Variants in CDK14 observed in about 807,000 individuals in gnomAD.
CDK14 encodes cyclin dependent kinase 14, also known as cyclin-dependent kinase 14.
Under a neutral mutation model 60.7 loss-of-function variants are expected in CDK14, and 34 were observed. That is an observed-to-expected ratio of 0.56 (90% CI 0.43 to 0.75). The LOEUF (loss-of-function observed/expected upper bound fraction) is 0.75. CDK14 is among the 30% of genes least tolerant of loss of function. CDK14 has a pLI of 0.00. For synonymous variants in CDK14, 197 were observed against 203.7 expected (o/e 0.97, Z 0.28); for missense variants, 482 against 564.1 (o/e 0.85, Z 1.47).
rs531134987 is a variant in CDK14 at position 91,072,502 on chromosome 7, G to A, written c.1106-6930G>A. On this transcript the variant is annotated intron_variant, in intron 11 of 14. Transcript: ENST00000380050. ...CAACAGCATCAACAAAAATGTTCCC[G>A]CAAAAACCTCCTCCAAGGGTCAGCA... Among the ~76,000 whole-genome samples, 7 of 152,036 alleles carry A rather than the reference G, an allele frequency of 4.6e-5. No homozygotes were observed. In the South Asian group the frequency reaches 1.2e-3, roughly 27 times the overall value.
chr7:91,098,774 A>G (rs899603184), intron 12 of CDK14, among the ~76,000 whole-genome samples: 1 of 152,172 alleles, frequency 6.6e-6, no homozygotes, highest in Non-Finnish European at 1.5e-5. Flanking sequence ...TAAATTCACC[A>G]TGCCTTCTTT....
intron 14 of CDK14, among the ~76,000 whole-genome samples, chr7:91,118,972 C>T (rs1446980081): frequency 6.6e-6 from 1 of 151,984 alleles, no homozygotes; most frequent in Admixed American, 6.6e-5. Flanking sequence ...TCTGAAAAGG[C>T]CATCTTTCTT....
At chr7:90,702,410 T>C (rs945040510) in intron 2 of CDK14, among the ~76,000 whole-genome samples, 1 of 152,134 alleles carries the variant, frequency 6.6e-6, no homozygotes. Context: ...GATACTGAAC[T>C]GTTAAATGAT....
chr7:91,184,476 T>A (rs983345634), intron 14 of CDK14, among the ~76,000 whole-genome samples: 1 of 152,036 alleles, frequency 6.6e-6, no homozygotes, highest in Non-Finnish European at 1.5e-5. Flanking sequence ...TCCTTTAAAG[T>A]CCAGGAAAAT....
At chr7:90,744,650 C>A (rs994629742) in intron 3 of CDK14, among the ~76,000 whole-genome samples, 7 of 147,586 alleles carry the variant, frequency 4.7e-5, no homozygotes, top group Admixed American at 4.0e-4. Context: ...CTGACCCCCC[C>A]ACCTCCCTCC....
chr7:90,840,955 A>G (rs1790269252), intron 5 of CDK14, among the ~76,000 whole-genome samples: 1 of 152,220 alleles, frequency 6.6e-6, no homozygotes, highest in Non-Finnish European at 1.5e-5. Context: ...AAAATACAAG[A>G]GAGTACACAC....
chr7:90,855,208 T>C (rs1197486012), intron 5 of CDK14, among the ~76,000 whole-genome samples: 1 of 152,180 alleles, frequency 6.6e-6, no homozygotes, highest in Non-Finnish European at 1.5e-5. Context: ...GAGAGCAAAT[T>C]ACAGGCTGAT....
chr7:90,725,786 G>A (rs1328871635), intron 2 of CDK14, among the ~76,000 whole-genome samples: 4 of 152,008 alleles, frequency 2.6e-5, no homozygotes, highest in South Asian at 2.1e-4. Flanking sequence ...AAAAAGCAAG[G>A]AGCAAAAATC....
At chr7:90,649,236 G>GTTTCTTTCTTTCTTTCTTTC (rs1167505193) in intron 2 of CDK14, among the ~76,000 whole-genome samples, 2 of 118,864 alleles carry the variant, frequency 1.7e-5, no homozygotes, top group Admixed American at 8.8e-5. Context: ...CTAGCCTATA[G>GTTTCTTTCTTTCTTTCTTTC]TTTCTTTCTT....
chr7:90,706,249 C>T (rs1212515644), intron 2 of CDK14, among the ~76,000 whole-genome samples: 5 of 152,154 alleles, frequency 3.3e-5, no homozygotes, highest in Non-Finnish European at 7.4e-5. Context: ...GATTAATTTC[C>T]TGCAGCTTTG....
chr7:91,177,599 A>G lies in CDK14; in HGVS notation c.*29-29566A>G, dbSNP rs1291481354. 7.2e-5 allele frequency among the ~76,000 whole-genome samples: 11 copies of G among 152,196 alleles called. No individual in the cohort carries two copies. The East Asian group carries it at 2.1e-3, about 29-fold the overall frequency. ...CCGAAATCTCCTTAAGCTGATAAGC[A>G]ACTTCAGCAAAGTCTCAGGATACAA... On this transcript the variant is annotated intron_variant, in intron 14 of 14. Transcript: ENST00000380050.
intron 14 of CDK14, among the ~76,000 whole-genome samples, chr7:91,128,719 G>A (rs1800025891): frequency 6.6e-6 from 1 of 152,118 alleles, no homozygotes; most frequent in South Asian, 2.1e-4. Context: ...GCAAGTTGAA[G>A]GCTCCTGGCC....
chr7:90,737,990 T>C (rs1803191504), intron 3 of CDK14, among the ~76,000 whole-genome samples: 1 of 152,206 alleles, frequency 6.6e-6, no homozygotes, highest in Non-Finnish European at 1.5e-5. Context: ...AACACTGAAG[T>C]ATACTCATGA....
At chr7:90,682,741 T>A (rs1335280826) in intron 2 of CDK14, among the ~76,000 whole-genome samples, 4 of 152,242 alleles carry the variant, frequency 2.6e-5, no homozygotes, top group Admixed American at 6.5e-5. Context: ...GTCATATCTT[T>A]TTAGTCTCCT....
At chr7:90,861,979 C>T (rs1791024905) in intron 5 of CDK14, among the ~76,000 whole-genome samples, 1 of 152,074 alleles carries the variant, frequency 6.6e-6, no homozygotes, top group African/African-American at 2.4e-5. Flanking sequence ...TGAATTCATG[C>T]TTTTTGGTGT....
intron 2 of CDK14, among the ~76,000 whole-genome samples, chr7:90,686,986 C>CT (rs1389532174): frequency 6.6e-6 from 1 of 151,804 alleles, no homozygotes; most frequent in Non-Finnish European, 1.5e-5. Context: ...GAATAAAAGA[C>CT]TTAAAAACTC....
At chr7:90,819,774 T>TTA (rs1340779068) in intron 5 of CDK14, among the ~76,000 whole-genome samples, 1 of 152,176 alleles carries the variant, frequency 6.6e-6, no homozygotes, top group Non-Finnish European at 1.5e-5. Context: ...GGCAACAGAA[T>TTA]TATCATCTTT....
At chr7:90,657,183 A>G (rs1487140839) in intron 2 of CDK14, among the ~76,000 whole-genome samples, 3 of 152,162 alleles carry the variant, frequency 2.0e-5, no homozygotes, top group Non-Finnish European at 2.9e-5. Context: ...TGGAGGTGCA[A>G]ATGGTTTGGA....
chr7:90,915,756 A>G (rs988096331), intron 7 of CDK14, among the ~76,000 whole-genome samples: 1 of 152,222 alleles, frequency 6.6e-6, no homozygotes, highest in Non-Finnish European at 1.5e-5. Context: ...TTGCTGTGTG[A>G]TCTTGAGAAA....
Sources: allele counts gnomAD v4.1 joint callset (sites outside exome capture counted in the v4.1 genomes callset), GRCh38; gene constraint gnomAD v4.1.1; transcripts MANE v1.5; gene names NCBI Gene and HGNC (gene_info 2026-07-23, HGNC 2026-07-21).